The following TBC1D32 variants were observed in gnomAD, a reference collection of about 807,000 sequenced individuals.
TBC1D32 encodes protein broad-minded.
A neutral mutation model predicts 170.3 loss-of-function variants in TBC1D32; 151 were observed. That is an observed-to-expected ratio of 0.89 (90% confidence interval 0.78 to 1.01). The LOEUF is 1.01. Ranked by LOEUF, TBC1D32 falls within the 50% of genes least tolerant of loss-of-function variation. The pLI, the probability that TBC1D32 is intolerant of heterozygous loss-of-function variation, is 0.00. For synonymous variants in TBC1D32, 498 were observed against 488.0 expected, an observed-to-expected ratio of 1.02 and a Z score of -0.27; for missense variants, 1,464 against 1,457.1, an observed-to-expected ratio of 1.00 and a Z score of -0.08.
intron 24 of TBC1D32, among the ~76,000 whole-genome samples, chr6:121,134,779 A>G (rs1440199076): frequency 6.6e-6 from 1 of 151,626 alleles, no homozygotes; most frequent in African/African-American, 2.4e-5. Context: ...ATCTTCTCCA[A>G]ATTTGGGACC....
intron 20 of TBC1D32, among the ~76,000 whole-genome samples, chr6:121,227,602 T>A (rs112737425): frequency 3.1e-4 from 1 of 3,246 alleles, no homozygotes. Context: ...TTTAATATGG[T>A]TAAGTCGTAT....
At chr6:121,129,765 G>T in intron 25 of TBC1D32, 1 of 327,846 alleles carries the variant, frequency 3.1e-6, no homozygotes, top group Admixed American at 3.9e-5. Flanking sequence ...TATCATTCAG[G>T]GGATAAAAGG....
intron 20 of TBC1D32, 70 bp from the exon 21 acceptor site, chr6:121,223,422 G>A: frequency 9.8e-7 from 1 of 1,016,150 alleles, no homozygotes; most frequent in African/African-American, 1.7e-5. Flanking sequence ...AGTCATTAAT[G>A]TAGTTTCCTA....
At chr6:121,311,427 A>C (rs533912060) in intron 3 of TBC1D32, among the ~76,000 whole-genome samples, 1 of 152,278 alleles carries the variant, frequency 6.6e-6, no homozygotes, top group African/African-American at 2.4e-5. Context: ...ACTTCATCTG[A>C]AAATAAAAAT....
chr6:121,116,254 C>T (rs965955952), intron 26 of TBC1D32, among the ~76,000 whole-genome samples: 1 of 151,784 alleles, frequency 6.6e-6, no homozygotes, highest in Non-Finnish European at 1.5e-5. Context: ...CATTCATCCC[C>T]TTAGTAAATC....
At chr6:121,176,444 C>G (rs1289889567) in intron 22 of TBC1D32, among the ~76,000 whole-genome samples, 1 of 152,062 alleles carries the variant, frequency 6.6e-6, no homozygotes, top group African/African-American at 2.4e-5. Flanking sequence ...ACTCCAAAAT[C>G]CAAAATGCTT....
chr6:121,112,610 C>G lies in TBC1D32; in HGVS notation c.3219G>C (p.Leu1073=), dbSNP rs750165137. 6.2e-7 allele frequency: 1 copy of G among 1,609,276 alleles called. No homozygotes were observed. Among genetic ancestry groups the G allele is most frequent in the Non-Finnish European group, 8.5e-7 (1 of 1,177,366 alleles). The change falls in exon 29 of 32, where the codon CTG becomes CTC. Residue 1073 remains leucine, a synonymous_variant. Transcript: ENST00000398212. ...YAGHDWFVSS[L]FMIMLGDKEK... ...CTTTGTCTCCCAACATTATCATGAA[C>G]AGAGAAGATACAAACCAGTCATGGC... is the stretch of plus-strand genomic sequence containing the variant.
chr6:121,129,372 A>G (rs1408171083), intron 25 of TBC1D32, among the ~76,000 whole-genome samples: 5 of 152,174 alleles, frequency 3.3e-5, no homozygotes, highest in African/African-American at 4.8e-5. Context: ...AGGTTAAGCT[A>G]TGATATTCAG....
chr6:121,096,046 T>C (rs948309851), intron 30 of TBC1D32: 1 of 152,168 alleles, frequency 6.6e-6, no homozygotes, highest in South Asian at 2.1e-4. Flanking sequence ...AATTCGGCTG[T>C]GAATTGGTCT....
At chr6:121,265,002 A>G (rs984226587) in intron 15 of TBC1D32, among the ~76,000 whole-genome samples, 6 of 152,204 alleles carry the variant, frequency 3.9e-5, no homozygotes, top group East Asian at 3.8e-4. Context: ...CAAAACCAGC[A>G]AAAGACAAGG....
At chr6:121,099,755 G>A (rs928542576) in intron 30 of TBC1D32, among the ~76,000 whole-genome samples, 2 of 151,792 alleles carry the variant, frequency 1.3e-5, no homozygotes, top group Non-Finnish European at 2.9e-5. Context: ...CTCACATGGG[G>A]AGTCATTAAA....
intron 3 of TBC1D32, among the ~76,000 whole-genome samples, chr6:121,315,531 T>C (rs139615276): frequency 6.6e-6 from 1 of 152,274 alleles, no homozygotes; most frequent in African/African-American, 2.4e-5. Flanking sequence ...AGGCTGCAAT[T>C]TTTTAAGTAA....
chr6:121,106,622 A>AT (rs1778714263), intron 29 of TBC1D32, among the ~76,000 whole-genome samples: 1 of 152,022 alleles, frequency 6.6e-6, no homozygotes, highest in South Asian at 2.1e-4. Context: ...AGATATTTGC[A>AT]TTGTACCCTT....
intron 15 of TBC1D32, among the ~76,000 whole-genome samples, chr6:121,270,507 C>G (rs1005661363): frequency 6.6e-6 from 1 of 152,094 alleles, no homozygotes; most frequent in African/African-American, 2.4e-5. Context: ...ACTAGAAAAT[C>G]TAGAAGAAAT....
chr6:121,251,450 T>G (rs1798283873), intron 17 of TBC1D32, among the ~76,000 whole-genome samples: 1 of 151,978 alleles, frequency 6.6e-6, no homozygotes, highest in South Asian at 2.1e-4. Flanking sequence ...AAACAAGCAA[T>G]GGGGAAAGGA....
chr6:121,292,428 T>A (rs1245847890), intron 11 of TBC1D32, among the ~76,000 whole-genome samples: 1 of 152,198 alleles, frequency 6.6e-6, no homozygotes, highest in African/African-American at 2.4e-5. Flanking sequence ...ATACATATAG[T>A]GTCCATTCTA....
chr6:121,081,391 G>A (rs1775630711), intron 31 of TBC1D32, among the ~76,000 whole-genome samples: 1 of 152,072 alleles, frequency 6.6e-6, no homozygotes, highest in Admixed American at 6.5e-5. Context: ...AGACACTCAA[G>A]AATAAACAGT....
intron 17 of TBC1D32, among the ~76,000 whole-genome samples, chr6:121,242,690 C>T (rs889798200): frequency 6.6e-6 from 1 of 152,046 alleles, no homozygotes; most frequent in African/African-American, 2.4e-5. Flanking sequence ...CCTCAACACC[C>T]CATTATTTCT....
chr6:121,193,454 G>A, intron 22 of TBC1D32, among the ~76,000 whole-genome samples: 1 of 152,148 alleles, frequency 6.6e-6, no homozygotes, highest in East Asian at 1.9e-4. Context: ...AGATTTGAGG[G>A]CTGCACCTGA....
Sources: allele counts gnomAD v4.1 joint callset (sites outside exome capture counted in the v4.1 genomes callset), GRCh38; gene constraint gnomAD v4.1.1; transcripts MANE v1.5; gene names NCBI Gene and HGNC (gene_info 2026-07-23, HGNC 2026-07-21).